Variants in PCDHGB3 observed in about 807,000 individuals in gnomAD.
PCDHGB3 encodes the protein protocadherin gamma subfamily B, 3.
A neutral mutation model predicts 59.2 loss-of-function variants in PCDHGB3; 40 were observed. The ratio of observed to expected loss-of-function variants is 0.68; its 90% CI spans 0.52 to 0.88. PCDHGB3 has a LOEUF of 0.88. Among genes scored for constraint, PCDHGB3 ranks in the 40% least tolerant of loss-of-function variants. PCDHGB3 has a pLI of 0.00. For missense variants in PCDHGB3, 1,309 were observed against 1,187.9 expected, an observed-to-expected ratio of 1.10 and a Z score of -1.50; for synonymous variants, 581 against 503.6, an observed-to-expected ratio of 1.15 and a Z score of -2.06.
At chr5:141,488,236 T>G (rs1333427955) in intron 1 of PCDHGB3, among the ~76,000 whole-genome samples, 2 of 152,154 alleles carry the variant, frequency 1.3e-5, no homozygotes, top group Non-Finnish European at 2.9e-5. Context: ...TTGAACTAGA[T>G]GCGGTAAATT....
intron 1 of PCDHGB3, chr5:141,409,138 A>T: frequency 6.2e-7 from 1 of 1,614,046 alleles, no homozygotes; most frequent in South Asian, 1.1e-5. Context: ...TTGAAGATGT[A>T]GAAAGGTACA....
At chr5:141,395,494 T>G in intron 1 of PCDHGB3, 3 of 484,122 alleles carry the variant, frequency 6.2e-6, no homozygotes, top group Middle Eastern at 5.6e-4. Context: ...TTATCACTCA[T>G]TCACTTAAGA....
At chr5:141,419,125 C>T in intron 1 of PCDHGB3, 1 of 1,613,852 alleles carries the variant, frequency 6.2e-7, no homozygotes, top group South Asian at 1.1e-5. Flanking sequence ...ACGTCACCAT[C>T]GCAGCCACAG....
At chr5:141,433,361 A>G (rs1208326325) in intron 1 of PCDHGB3, 15 of 297,508 alleles carry the variant, frequency 5.0e-5, no homozygotes, top group Non-Finnish European at 7.0e-5. Context: ...CTGTCTGCCT[A>G]TCTATCTATC....
chr5:141,409,670 T>C lies in PCDHGB3; in HGVS notation c.2415+36861T>C, dbSNP rs2095300697. 1.9e-6 allele frequency: 3 copies of C among 1,613,486 alleles called. No homozygotes were observed. In the East Asian group the frequency reaches 6.7e-5, roughly 36 times the overall value. ...GGGGCTCAATGGCCACATCTCCTACTCTATAGTGGCGAGTGACCTAGAGCC... is the reference window on the plus strand; with the variant it reads ...GGGGCTCAATGGCCACATCTCCTACCCTATAGTGGCGAGTGACCTAGAGCC... On this transcript the variant is annotated intron_variant, in intron 1 of 3. Transcript: ENST00000576222.
chr5:141,442,343 G>A (rs1300318674), intron 1 of PCDHGB3: 1 of 152,336 alleles, frequency 6.6e-6, no homozygotes, highest in African/African-American at 2.4e-5. Context: ...CAGGTTTCTG[G>A]GTAACTGTAG....
Position 141,432,538 on chromosome 5 carries a change from G to T in PCDHGB3, c.2415+59729G>T, listed in dbSNP as rs200601557. 1 of 1,613,908 alleles carries T rather than the reference G, an allele frequency of 6.2e-7. No individual in the cohort carries two copies. Among genetic ancestry groups the T allele is most frequent in the African/African-American group, 1.3e-5 (1 of 74,936 alleles). Reference sequence around the variant, plus strand: ...GCTACCTGGTGACCAAGGTGGTGGCGGTGGACAGAGACTCCGGCCAGAACG... The same window carrying T: ...GCTACCTGGTGACCAAGGTGGTGGCTGTGGACAGAGACTCCGGCCAGAACG... On this transcript the variant is annotated intron_variant, in intron 1 of 3. Coordinates refer to ENST00000576222, the MANE Select transcript of PCDHGB3 (RefSeq NM_018924.5). This position sits in a 1 kb window ranked among gnomAD's most constrained non-coding sequence, Gnocchi z 6.0.
At chr5:141,507,178 G>A (rs548016031) in intron 3 of PCDHGB3, 4 of 152,350 alleles carry the variant, frequency 2.6e-5, no homozygotes, top group East Asian at 3.9e-4. Flanking sequence ...CCTCTTCCTC[G>A]AGCTCTGCTT....
chr5:141,435,855 G>A (rs1164301394), intron 1 of PCDHGB3, among the ~76,000 whole-genome samples: 1 of 152,006 alleles, frequency 6.6e-6, no homozygotes, highest in Non-Finnish European at 1.5e-5. Flanking sequence ...AGATACAATA[G>A]TTAAAACCCA....
intron 2 of PCDHGB3, among the ~76,000 whole-genome samples, chr5:141,504,741 T>C (rs968590796): frequency 2.6e-5 from 4 of 151,826 alleles, no homozygotes; most frequent in South Asian, 2.1e-4. Context: ...TAGGAAGCCA[T>C]TGAATTTTAG....
chr5:141,412,983 G>A (rs1372992044), intron 1 of PCDHGB3: 1 of 557,334 alleles, frequency 1.8e-6, no homozygotes, highest in Admixed American at 3.6e-5. Context: ...CGCAGCCAGA[G>A]CTCAATCCGG....
Position 141,476,104 on chromosome 5 carries a change from G to A in PCDHGB3, c.2416-18703G>A. 6.3e-7 allele frequency: 1 copy of A among 1,584,700 alleles called. No homozygotes were observed. Among genetic ancestry groups the A allele is most frequent in the Non-Finnish European group, 8.6e-7 (1 of 1,168,500 alleles). On this transcript the variant is annotated intron_variant, in intron 1 of 3. Coordinates refer to ENST00000576222, the MANE Select transcript of PCDHGB3 (RefSeq NM_018924.5). The surrounding 1 kb of genome is among the most constrained non-coding windows in gnomAD (Gnocchi z 7.6). ...GATCTGGACCCCGCTGAGAGGAACTGCTTTTGAGTGAGATGGTCCCAGAGG... is the reference window on the plus strand; with the variant it reads ...GATCTGGACCCCGCTGAGAGGAACTACTTTTGAGTGAGATGGTCCCAGAGG...
rs2099631185 is a variant in PCDHGB3, at chr5:141,486,568, T to C, written c.2416-8239T>C. Reference sequence around the variant, plus strand: ...AGAGGTCACATGAGGTGTTTGTTCCTGAGAACAATCGCCCAGGGGACCTGC... The same window carrying C: ...AGAGGTCACATGAGGTGTTTGTTCCCGAGAACAATCGCCCAGGGGACCTGC... On this transcript the variant is annotated intron_variant, in intron 1 of 3. Coordinates refer to ENST00000576222, the MANE Select transcript of PCDHGB3 (RefSeq NM_018924.5). The surrounding 1 kb of genome is among the most constrained non-coding windows in gnomAD (Gnocchi z 5.0). 1.9e-6 allele frequency: 3 copies of C among 1,613,862 alleles called. No homozygotes were observed. The South Asian group carries it at 3.3e-5, about 18-fold the overall frequency.
chr5:141,466,928 T>TTAG (rs1231908662), intron 1 of PCDHGB3, among the ~76,000 whole-genome samples: 1 of 152,220 alleles, frequency 6.6e-6, no homozygotes, highest in Non-Finnish European at 1.5e-5. Context: ...ATTAGGAATA[T>TTAG]TAGTCCTTTG....
intron 1 of PCDHGB3, chr5:141,375,266 G>GA: frequency 1.9e-6 from 3 of 1,613,846 alleles, no homozygotes; most frequent in Non-Finnish European, 1.7e-6. Context: ...ATTTGAATTG[G>GA]AAAAATCAGT....
chr5:141,408,239 C>A, intron 1 of PCDHGB3: 2 of 1,577,720 alleles, frequency 1.3e-6, no homozygotes, highest in South Asian at 2.3e-5. Flanking sequence ...CCGGGCCGGC[C>A]CGCGGCAGGT....
Position 141,486,824 on chromosome 5 carries a change from G to A in PCDHGB3, c.2416-7983G>A, listed in dbSNP as rs749609525. On this transcript the variant is annotated intron_variant, in intron 1 of 3. Coordinates refer to ENST00000576222, the MANE Select transcript of PCDHGB3 (RefSeq NM_018924.5). The surrounding 1 kb of genome is among the most constrained non-coding windows in gnomAD (Gnocchi z 5.0). ...CCCACCCCTTAGCAGCACTGTAACA[G>A]TTCGTCTATTTGTGCTGGACCTCAA... is the stretch of plus-strand genomic sequence containing the variant. 1 of 1,614,218 alleles carries A rather than the reference G, an allele frequency of 6.2e-7. No homozygotes were observed. Among genetic ancestry groups the A allele is most frequent in the Non-Finnish European group, 8.5e-7 (1 of 1,180,028 alleles).
At chr5:141,389,822 C>A in intron 1 of PCDHGB3, 3 of 1,613,932 alleles carry the variant, frequency 1.9e-6, no homozygotes, top group Middle Eastern at 1.6e-4. Context: ...CCGTGCGTGA[C>A]GGTGGACAGC....
chr5:141,381,177 C>T (rs935775632), intron 1 of PCDHGB3, among the ~76,000 whole-genome samples: 3 of 152,214 alleles, frequency 2.0e-5, no homozygotes, highest in Admixed American at 6.5e-5. Context: ...TCCCACAAAA[C>T]GAAGTTAAGC....
Sources: gnomAD v4.1 joint callset for allele counts (sites outside exome capture counted in the v4.1 genomes callset) on GRCh38, gnomAD v4.1.1 for gene constraint, Gnocchi (gnomAD v3.1) non-coding constraint, MANE v1.5 for transcripts, NCBI Gene and HGNC (gene_info 2026-07-23, HGNC 2026-07-21) for gene names.